The following TJP3 variants were observed in gnomAD, a reference collection of about 807,000 sequenced individuals.
TJP3 encodes the protein tight junction protein 3, also known as tight junction protein ZO-3.
Under a neutral mutation model 104.2 loss-of-function variants are expected in TJP3, and 85 were observed. The observed-to-expected ratio is 0.82, with a 90% CI of 0.68 to 0.98. The LOEUF is 0.98. Ranked by LOEUF, TJP3 falls within the 50% of genes least tolerant of loss-of-function variation. TJP3 has a pLI of 0.00. For missense variants in TJP3, 1,367 were observed against 1,322.8 expected, an observed-to-expected ratio of 1.03 and a Z score of -0.52; for synonymous variants, 550 against 550.6, an observed-to-expected ratio of 1.00 and a Z score of 0.02.
intron 13 of TJP3, among the ~76,000 whole-genome samples, chr19:3,739,559 A>G (rs920808723): frequency 6.6e-6 from 1 of 152,180 alleles, no homozygotes; most frequent in African/African-American, 2.4e-5. Flanking sequence ...GAGGTCCACA[A>G]AAGGCTCTGG....
chr19:3,743,908 C>T (rs2036853211), intron 14 of TJP3, 31 bp from the exon 15 acceptor site: 3 of 1,607,008 alleles, frequency 1.9e-6, no homozygotes, highest in Non-Finnish European at 1.7e-6. Flanking sequence ...AAATGGGACC[C>T]TGATTCTTTC....
chr19:3,744,388 G>A (rs1053397174), intron 15 of TJP3, among the ~76,000 whole-genome samples: 1 of 152,164 alleles, frequency 6.6e-6, no homozygotes, highest in Non-Finnish European at 1.5e-5. Context: ...AACAATGGCC[G>A]GGTGCGGTGG....
At position 3,730,533 on chromosome 19, in the gene TJP3, G is replaced by T. The variant is rs201489712; in HGVS notation, c.440G>T (p.Arg147Leu). The T allele has an allele frequency of 2.6e-5, 41 of 1,597,302 alleles. No homozygotes were observed. In the Admixed American group the frequency reaches 7.0e-4, roughly 27 times the overall value. Residue 147 changes from arginine (R) to leucine (L), a missense_variant, in exon 5 of 21, where the codon CGC becomes CTC. Physicochemically the swap from Arg to Leu is moderately radical, Grantham distance 102 (BLOSUM62 -2). Coordinates refer to ENST00000541714, the MANE Select transcript of TJP3 (RefSeq NM_001267560.2). This position sits in a 1 kb window ranked among gnomAD's most constrained non-coding sequence, Gnocchi z 7.3. ...GGCCGCTCCTGGGACGAGCGCTCCC[G>T]CCGGCCGAGGCCTGGTCGCCGGGGC... ...GSGRSWDERS[R>L]RPRPGRRGRA...
intron 13 of TJP3, 92 bp from the exon 14 acceptor site, chr19:3,740,460 T>C: frequency 1.4e-6 from 1 of 735,966 alleles, no homozygotes. Context: ...CAAAGTGGCC[T>C]GTCCACAGGC....
At chr19:3,711,491 G>A (rs1227550046) in intron 1 of TJP3, among the ~76,000 whole-genome samples, 1 of 150,778 alleles carries the variant, frequency 6.6e-6, no homozygotes, top group South Asian at 2.1e-4. Flanking sequence ...GAGCCACCGC[G>A]TCCGGCCAAA....
chr19:3,718,437 G>A (rs980604096), intron 1 of TJP3, among the ~76,000 whole-genome samples: 17 of 145,698 alleles, frequency 1.2e-4, no homozygotes, highest in African/African-American at 4.2e-4. Flanking sequence ...CAGGAATGCA[G>A]CATTTTCTTT....
rs199978081 is a variant in TJP3, at chr19:3,748,062, C to T, written c.2591C>T (p.Ser864Leu). 27 of 1,576,014 alleles carry T rather than the reference C, an allele frequency of 1.7e-5. No individual in the cohort carries two copies. Among genetic ancestry groups the T allele is most frequent in the South Asian group, 3.4e-5 (3 of 87,014 alleles). The change falls in exon 19 of 21, where the codon TCG (serine) becomes TTG (leucine). Residue 864 changes from serine to leucine, a missense_variant. Transcript: ENST00000541714. ...SQSPRDRGRISAHQGAQVDSR... is the reference protein window; with the variant it reads ...SQSPRDRGRILAHQGAQVDSR... ...AGCCCGAGGGATCGTGGGAGAATCT[C>T]GGCTCATCAGGGGGCCCAGGTGCGT...
At position 3,750,760 on chromosome 19, in the gene TJP3, C is replaced by T; in HGVS notation, c.*76C>T. Reference sequence around the variant, plus strand: ...GGGACTCAGTTTCCCATACAGAACCCACAACCTTACCTCCCTCCGCCTGGT... The same window carrying T: ...GGGACTCAGTTTCCCATACAGAACCTACAACCTTACCTCCCTCCGCCTGGT... On this transcript the variant is annotated 3_prime_UTR_variant, in exon 21 of 21. Coordinates refer to ENST00000541714, the MANE Select transcript of TJP3 (RefSeq NM_001267560.2). 2 of 1,283,612 alleles carry T rather than the reference C, an allele frequency of 1.6e-6. No individual in the cohort carries two copies. Among genetic ancestry groups the T allele is most frequent in the Non-Finnish European group, 2.2e-6 (2 of 904,732 alleles). 79.5% of individuals were successfully genotyped at this position (1,283,612 alleles called of 1,614,324 possible).
chr19:3,711,976 G>T (rs571211142), intron 1 of TJP3, among the ~76,000 whole-genome samples: 1 of 151,830 alleles, frequency 6.6e-6, no homozygotes. Context: ...GAGAGCCACC[G>T]ACCCGGCCTC....
chr19:3,714,600 G>A (rs181459496), intron 1 of TJP3, among the ~76,000 whole-genome samples: 5 of 152,028 alleles, frequency 3.3e-5, no homozygotes, highest in Admixed American at 6.6e-5. Context: ...TTGAATAATC[G>A]CATATGTAAC....
rs1387902624 is a variant in TJP3 at position 3,733,853 on chromosome 19, G to A, written c.818G>A (p.Gly273Glu). The change falls in exon 7 of 21, where the codon GGG becomes GAG. Residue 273 changes from glycine (G) to glutamate (E), a missense_variant. By Grantham distance (98) the Gly-to-Glu change is moderately conservative (BLOSUM62 -2). Coordinates refer to ENST00000541714, the MANE Select transcript of TJP3 (RefSeq NM_001267560.2). ...AGCCTGCTGGTGCTGAGAGATCGTG[G>A]GCAGTTCCTGGTGAACATTCCGCCT... ...KLSLLVLRDR[G>E]QFLVNIPPAV... 3.1e-6 allele frequency: 5 copies of A among 1,614,208 alleles called. No individual in the cohort carries two copies. The highest frequency in any genetic ancestry group is 4.2e-6 in the Non-Finnish European group (5 of 1,180,030).
Position 3,739,146 on chromosome 19 carries a change from G to A in TJP3, c.1631+12G>A. 1 of 1,518,922 alleles carries A rather than the reference G, an allele frequency of 6.6e-7. No individual in the cohort carries two copies. The highest frequency in any genetic ancestry group is 8.8e-7 in the Non-Finnish European group (1 of 1,132,554). 94.1% of individuals were successfully genotyped at this position (1,518,922 alleles called of 1,614,324 possible). A position where few individuals can be genotyped will look rare whatever the true frequency, so the allele number is the denominator to read the frequency against. On this transcript the variant is annotated intron_variant, in intron 13 of 20. Transcript: ENST00000541714. ...CCCAACCAGAGCAGGTGGGGACTGT[G>A]TGCTCCTGCAGTGGGGCACTTCTGC...
In TJP3 at chr19:3,723,808, AAT is replaced by A. The variant is rs201031463; in HGVS notation, c.-9-4596_-9-4595del. On this transcript the variant is annotated intron_variant, in intron 1 of 20. Coordinates refer to ENST00000541714, the MANE Select transcript of TJP3 (RefSeq NM_001267560.2). ...ACTCTGTCTCAAAAGAAAAAAAAAA[AAT>A]ATATATATATATATATATAAAATAA... Among the ~76,000 whole-genome samples the A allele has an allele frequency of 6.2e-3, 803 of 128,916 alleles. 7 individuals are homozygous for A. The highest frequency in any genetic ancestry group is 0.02 in the African/African-American group (687 of 34,722). 84.6% of individuals were successfully genotyped at this position (128,916 alleles called of 152,430 possible).
In TJP3 at chr19:3,718,508, G is replaced by A. The variant is rs138151172; in HGVS notation, c.-9-9916G>A. On this transcript the variant is annotated intron_variant, in intron 1 of 20. Coordinates refer to ENST00000541714, the MANE Select transcript of TJP3 (RefSeq NM_001267560.2). Reference sequence around the variant, plus strand: ...GGGGTGGACAGGGCCTCACTCTGTGGCCCAGGCTGGAGTGCAGTGGCGCAA... The same window carrying A: ...GGGGTGGACAGGGCCTCACTCTGTGACCCAGGCTGGAGTGCAGTGGCGCAA... Among the ~76,000 whole-genome samples the A allele has an allele frequency of 9.0e-3, 1,361 of 150,878 alleles. 17 individuals carry two copies. Among genetic ancestry groups the A allele is most frequent in the African/African-American group, 0.032 (1,308 of 40,966 alleles).
intron 10 of TJP3, 84 bp from the exon 11 acceptor site, chr19:3,736,081 G>A: frequency 6.4e-7 from 1 of 1,569,260 alleles, no homozygotes; most frequent in Non-Finnish European, 8.7e-7. Flanking sequence ...GCCTGGAGGG[G>A]GTGGGGGCTT....
Position 3,730,784 on chromosome 19 carries a change from G to T in TJP3, c.613+78G>T. The stretch of plus-strand genomic sequence containing the variant: ...GGTCGGATGGGCGACGGTTTCAAGT[G>T]ATTCTCCTGCCTCAGCCTCCCTGGT... On this transcript the variant is annotated intron_variant, in intron 5 of 20. Transcript: ENST00000541714. The surrounding 1 kb of genome is among the most constrained non-coding windows in gnomAD (Gnocchi z 7.3). 1 of 1,438,656 alleles carries T rather than the reference G, an allele frequency of 7.0e-7. No homozygotes were observed. The highest frequency in any genetic ancestry group is 9.3e-7 in the Non-Finnish European group (1 of 1,079,144). The allele number at this position is 1,438,656 out of a possible 1,614,324, so 89.1% of individuals were successfully genotyped here. A position where few individuals can be genotyped will look rare whatever the true frequency, so the allele number is the denominator to read the frequency against.
chr19:3,728,406 C>G lies in TJP3; in HGVS notation c.-9-18C>G, dbSNP rs751756687. On this transcript the variant is annotated intron_variant, in intron 1 of 20. Coordinates refer to ENST00000541714, the MANE Select transcript of TJP3 (RefSeq NM_001267560.2). ...CCTGTGTGGCCTCATGCCCATCTTC[C>G]CCGCTCCCCTCGACCAGGTGGCTGA... The G allele has an allele frequency of 6.2e-7, 1 of 1,614,206 alleles. No individual in the cohort carries two copies. Among genetic ancestry groups the G allele is most frequent in the South Asian group, 1.1e-5 (1 of 91,090 alleles).
chr19:3,748,601 T>C (rs1165765154), intron 19 of TJP3, among the ~76,000 whole-genome samples: 5 of 106,352 alleles, frequency 4.7e-5, no homozygotes, highest in African/African-American at 1.9e-4. Flanking sequence ...GGAGTTTCGC[T>C]TTTGTTGCCC....
chr19:3,726,130 G>A (rs1054815037), intron 1 of TJP3, among the ~76,000 whole-genome samples: 6 of 152,228 alleles, frequency 3.9e-5, no homozygotes, highest in East Asian at 1.9e-4. Flanking sequence ...TAGAAAACCC[G>A]CCCCGGGGAG....
Sources: gnomAD v4.1 joint callset for allele counts (sites outside exome capture counted in the v4.1 genomes callset) on GRCh38, gnomAD v4.1.1 for gene constraint, Gnocchi (gnomAD v3.1) non-coding constraint, MANE v1.5 for transcripts, NCBI Gene and HGNC (gene_info 2026-07-23, HGNC 2026-07-21) for gene names.